The following GTF3A variants were observed in gnomAD, a reference collection of about 807,000 sequenced individuals.
GTF3A encodes the protein general transcription factor IIIA, also known as transcription factor IIIA.
In GTF3A, 40 loss-of-function variants were observed where a neutral mutation model predicts 37.6. The observed-to-expected ratio is 1.06, with a 90% CI of 0.83 to 1.38. The LOEUF is 1.38. Among genes scored for constraint, GTF3A ranks in the 40% most tolerant of loss-of-function variants. The pLI is 0.00. For missense variants in GTF3A, 500 were observed against 462.6 expected (o/e 1.08, Z -0.74); for synonymous variants, 191 against 166.7 (o/e 1.15, Z -1.12).
chr13:27,430,817 T>C (rs1953650755), intron 4 of GTF3A, among the ~76,000 whole-genome samples, 196 bp downstream of exon 4: 1 of 152,252 alleles, frequency 6.6e-6, no homozygotes, highest in African/African-American at 2.4e-5. Flanking sequence ...AGATCCTGGA[T>C]ATACATTCTT....
chr13:27,425,964 C>T (rs1009563775), intron 1 of GTF3A: 6 of 152,914 alleles, frequency 3.9e-5, no homozygotes, highest in South Asian at 2.1e-4. Context: ...TCCTCTTCCT[C>T]GTCTGCCCTT....
intron 1 of GTF3A, 50 bp from the exon 2 acceptor site, chr13:27,427,040 CAG>C (rs1953611581): frequency 2.2e-6 from 2 of 907,020 alleles, no homozygotes; most frequent in Non-Finnish European, 3.6e-6. Flanking sequence ...TAAATAATAC[CAG>C]AGTTACTAAC....
At chr13:27,430,396 A>T (rs1215523812) in intron 3 of GTF3A, 137 bp from the exon 4 acceptor site, 1 of 586,698 alleles carries the variant, frequency 1.7e-6, no homozygotes, top group Non-Finnish European at 3.0e-6. Flanking sequence ...GATAAAGCAG[A>T]ATTTTACAGT....
chr13:27,433,537 CTT>C (rs747685573), intron 5 of GTF3A, among the ~76,000 whole-genome samples: 184 of 19,774 alleles, frequency 9.3e-3, no homozygotes, highest in Admixed American at 0.021. Context: ...CAAAAAAAAA[CTT>C]TTTTTTTTTT....
At chr13:27,434,529 A>G (rs1593180809) in intron 6 of GTF3A, 2 of 349,320 alleles carry the variant, frequency 5.7e-6, no homozygotes, top group East Asian at 7.6e-5. Context: ...AAGGAAGGAC[A>G]CTGGTCTGCT....
chr13:27,431,303 A>G (rs1007839058), intron 4 of GTF3A, among the ~76,000 whole-genome samples: 1 of 152,208 alleles, frequency 6.6e-6, no homozygotes, highest in African/African-American at 2.4e-5. Flanking sequence ...TGGTCAAAGG[A>G]AAAGAAGTCA....
chr13:27,431,526 T>G (rs1263714131), intron 4 of GTF3A, among the ~76,000 whole-genome samples: 4 of 151,874 alleles, frequency 2.6e-5, no homozygotes, highest in Non-Finnish European at 5.9e-5. Flanking sequence ...CTCAGTGAAG[T>G]AACTCAGGAA....
At chr13:27,430,413 AT>A in intron 3 of GTF3A, 119 bp from the exon 4 acceptor site, 1 of 615,912 alleles carries the variant, frequency 1.6e-6, no homozygotes, top group East Asian at 2.8e-5. Context: ...CAGTAACAAA[AT>A]GGGTGAAAGC....
chr13:27,427,947 A>G (rs899969327), intron 2 of GTF3A, among the ~76,000 whole-genome samples: 8 of 151,956 alleles, frequency 5.3e-5, no homozygotes, highest in East Asian at 1.9e-4. Context: ...CTCGCTGGAC[A>G]GTGCTACTTG....
At chr13:27,433,414 T>C (rs1055946523) in intron 5 of GTF3A, among the ~76,000 whole-genome samples, 2 of 151,764 alleles carry the variant, frequency 1.3e-5, no homozygotes, top group African/African-American at 2.4e-5. Flanking sequence ...TAGTGTTGTA[T>C]ACTTATTAAT....
intron 4 of GTF3A, 74 bp from the exon 5 acceptor site, chr13:27,432,657 C>A: frequency 8.1e-7 from 1 of 1,235,362 alleles, no homozygotes; most frequent in Non-Finnish European, 1.2e-6. Flanking sequence ...AGAAACAGGA[C>A]AAAGTGCCAT....
intron 4 of GTF3A, among the ~76,000 whole-genome samples, chr13:27,432,462 A>G (rs1048294180): frequency 6.6e-6 from 1 of 152,220 alleles, no homozygotes; most frequent in Non-Finnish European, 1.5e-5. Flanking sequence ...TAGCCATGAA[A>G]GCAGAGTATA....
At chr13:27,425,174 C>T (rs762449545) in intron 1 of GTF3A, 4 of 470,708 alleles carry the variant, frequency 8.5e-6, no homozygotes, top group Admixed American at 4.2e-5. Context: ...TCGTGAGTCT[C>T]GGCCAGCCAA....
chr13:27,424,971 A>C (rs1194806228), intron 1 of GTF3A, 33 bp downstream of exon 1: 43 of 1,490,602 alleles, frequency 2.9e-5, no homozygotes, highest in Non-Finnish European at 3.9e-5. Context: ...CCCTGGGCCT[A>C]GGGATGGCGC....
chr13:27,434,963 C>T lies in GTF3A; in HGVS notation c.802C>T (p.Leu268Phe). 1.9e-6 allele frequency: 3 copies of T among 1,611,984 alleles called. No homozygotes were observed. The highest frequency in any genetic ancestry group is 2.5e-6 in the Non-Finnish European group (3 of 1,178,012). The change falls in exon 7 of 9, where the codon CTC becomes TTC. Residue 268 changes from leucine (L) to phenylalanine (F), a missense_variant. Physicochemically the swap from Leu to Phe is conservative, Grantham distance 22. Transcript: ENST00000381140. ...TGTGTTTAATCTCCAAAGCCATATCCTCTCCTTCCATGAGGAAAGCCGCCC... is the reference window on the plus strand; with the variant it reads ...TGTGTTTAATCTCCAAAGCCATATCTTCTCCTTCCATGAGGAAAGCCGCCC...
In GTF3A at chr13:27,424,680, G is replaced by A. The variant is rs553750244; in HGVS notation, c.-58G>A. ...CCGTGGGCCGGGCGCGCCGGTTCCC[G>A]GCACGTGTCTCGGCACGTGGCAGCG... On this transcript the variant is annotated 5_prime_UTR_variant, in exon 1 of 9. Transcript: ENST00000381140. 6.7e-4 allele frequency: 820 copies of A among 1,232,560 alleles called. 6 individuals carry two copies. In the African/African-American group the frequency reaches 0.012, roughly 17 times the overall value. 76.4% of individuals were successfully genotyped at this position (1,232,560 alleles called of 1,614,324 possible). A position where few individuals can be genotyped will look rare whatever the true frequency, so the allele number is the denominator to read the frequency against.
chr13:27,435,295 C>A, intron 8 of GTF3A, 103 bp downstream of exon 8: 1 of 1,254,708 alleles, frequency 8.0e-7, no homozygotes, highest in Non-Finnish European at 1.1e-6. Flanking sequence ...CTGTTTGAGT[C>A]TGCACTACTG....
At chr13:27,428,161 G>A (rs1953623104) in intron 2 of GTF3A, among the ~76,000 whole-genome samples, 1 of 152,190 alleles carries the variant, frequency 6.6e-6, no homozygotes, top group Admixed American at 6.5e-5. Flanking sequence ...CAGTCAAACT[G>A]AGCTCACTTT....
chr13:27,430,386 G>A, intron 3 of GTF3A, 147 bp from the exon 4 acceptor site: 1 of 571,730 alleles, frequency 1.7e-6, no homozygotes, highest in Non-Finnish European at 3.1e-6. Context: ...ACCTTTTTGA[G>A]ATAAAGCAGA....
Sources: allele counts gnomAD v4.1 joint callset (sites outside exome capture counted in the v4.1 genomes callset), GRCh38; gene constraint gnomAD v4.1.1; transcripts MANE v1.5; gene names NCBI Gene and HGNC (gene_info 2026-07-23, HGNC 2026-07-21).